The following GRIK1 variants were observed in gnomAD, a reference collection of about 807,000 sequenced individuals.
GRIK1 encodes the protein glutamate ionotropic receptor kainate type subunit 1.
GRIK1 carries 69 observed loss-of-function variants against 105.7 expected under a neutral mutation model. That is an observed-to-expected ratio of 0.65 (90% CI 0.54 to 0.80). GRIK1 has a LOEUF of 0.80. Ranked by LOEUF, GRIK1 falls within the 30% of genes least tolerant of loss-of-function variation. The pLI is 0.00. For synonymous variants in GRIK1, 438 were observed against 431.3 expected (o/e 1.02, Z -0.19); for missense variants, 1,109 against 1,167.3 (o/e 0.95, Z 0.73).
chr21:29,721,568 G>C (rs2064323164), intron 1 of GRIK1, among the ~76,000 whole-genome samples: 1 of 148,360 alleles, frequency 6.7e-6, no homozygotes, highest in Non-Finnish European at 1.5e-5. Flanking sequence ...ACAATAGAAA[G>C]AGAATGAATG....
intron 1 of GRIK1, among the ~76,000 whole-genome samples, chr21:29,854,642 G>T (rs917387092): frequency 6.6e-6 from 1 of 152,106 alleles, no homozygotes; most frequent in African/African-American, 2.4e-5. Flanking sequence ...GTGAATAAAT[G>T]ACTGTCAGGA....
rs535452296 is a variant in GRIK1, at chr21:29,822,006, CTTGTG to C, written c.118+117372_118+117376del. Among the ~76,000 whole-genome samples, 525 of 152,118 alleles carry C rather than the reference CTTGTG, an allele frequency of 3.5e-3. 1 individual carries two copies. The highest frequency in any genetic ancestry group is 4.5e-3 in the Non-Finnish European group (306 of 67,956). The stretch of plus-strand genomic sequence containing the variant: ...TATAAGTGGACCAACCTAGTTCAAA[CTTGTG>C]TTGTTCAAAGGTCAACTGTACATGT... On this transcript the variant is annotated intron_variant, in intron 1 of 17. Transcript: ENST00000327783.
chr21:29,921,989 C>G (rs1218283505), intron 1 of GRIK1, among the ~76,000 whole-genome samples: 1 of 152,056 alleles, frequency 6.6e-6, no homozygotes, highest in African/African-American at 2.4e-5. Flanking sequence ...CTGGGTGATA[C>G]TATTGTTTTG....
At chr21:29,679,644 T>C (rs2063335045) in intron 3 of GRIK1, among the ~76,000 whole-genome samples, 1 of 152,196 alleles carries the variant, frequency 6.6e-6, no homozygotes, top group African/African-American at 2.4e-5. Flanking sequence ...CTATAACCTG[T>C]TTCAGGTAAT....
chr21:29,660,111 A>T (rs2062934260), intron 4 of GRIK1, among the ~76,000 whole-genome samples: 1 of 152,200 alleles, frequency 6.6e-6, no homozygotes, highest in African/African-American at 2.4e-5. Flanking sequence ...GACAGCAGTG[A>T]TCCCACATTG....
intron 1 of GRIK1, among the ~76,000 whole-genome samples, chr21:29,754,663 TG>T (rs2065289522): frequency 6.6e-6 from 1 of 152,226 alleles, no homozygotes; most frequent in Admixed American, 6.5e-5. Flanking sequence ...CTAACCTGGG[TG>T]TTGCTGGCAA....
chr21:29,687,813 A>T (rs1196139449), intron 3 of GRIK1, among the ~76,000 whole-genome samples: 2 of 152,228 alleles, frequency 1.3e-5, no homozygotes, highest in Non-Finnish European at 2.9e-5. Context: ...TGAAATCTAC[A>T]ATGCCTACGT....
intron 1 of GRIK1, among the ~76,000 whole-genome samples, chr21:29,825,606 C>T (rs1053706240): frequency 1.3e-5 from 2 of 151,860 alleles, no homozygotes; most frequent in South Asian, 4.1e-4. Flanking sequence ...TCATGATGGG[C>T]TATTTTGCTA....
intron 1 of GRIK1, among the ~76,000 whole-genome samples, chr21:29,885,214 ATATG>A (rs2069566467): frequency 6.6e-6 from 1 of 152,022 alleles, no homozygotes; most frequent in African/African-American, 2.4e-5. Context: ...ATGAATGTTC[ATATG>A]TATGTCAGAG....
At chr21:29,568,732 A>G (rs1335800853) in intron 14 of GRIK1, among the ~76,000 whole-genome samples, 1 of 152,212 alleles carries the variant, frequency 6.6e-6, no homozygotes, top group Admixed American at 6.5e-5. Context: ...TCCTGTCTGC[A>G]CAATGCAACC....
At chr21:29,910,279 A>G (rs955935705) in intron 1 of GRIK1, among the ~76,000 whole-genome samples, 4 of 152,208 alleles carry the variant, frequency 2.6e-5, no homozygotes, top group African/African-American at 9.6e-5. Context: ...TTAAACTTCC[A>G]TGACATGTAA....
intron 6 of GRIK1, among the ~76,000 whole-genome samples, chr21:29,649,902 C>T (rs363584): frequency 0.036 from 5,425 of 152,270 alleles, 331 homozygotes; most frequent in African/African-American, 0.12. Flanking sequence ...TATTTGAACT[C>T]ATTGAAATTA....
intron 1 of GRIK1, among the ~76,000 whole-genome samples, chr21:29,695,398 C>T (rs1360656749): frequency 1.3e-5 from 2 of 152,076 alleles, no homozygotes; most frequent in African/African-American, 4.8e-5. Context: ...ATGCTAAACA[C>T]TTGTAACTTG....
chr21:29,852,600 G>T (rs1253910232), intron 1 of GRIK1, among the ~76,000 whole-genome samples: 1 of 152,108 alleles, frequency 6.6e-6, no homozygotes, highest in East Asian at 1.9e-4. Flanking sequence ...AATAAATGTG[G>T]CCTGAAAGCT....
chr21:29,547,251 G>A (rs2090064415), intron 16 of GRIK1, among the ~76,000 whole-genome samples: 1 of 152,130 alleles, frequency 6.6e-6, no homozygotes, highest in African/African-American at 2.4e-5. Flanking sequence ...ATGGCTAGTG[G>A]GGCCATTTTC....
chr21:29,650,129 C>G (rs1187884624), intron 6 of GRIK1, among the ~76,000 whole-genome samples: 11 of 152,176 alleles, frequency 7.2e-5, no homozygotes, highest in African/African-American at 2.7e-4. Flanking sequence ...AAAGTTATTT[C>G]AGGTTTGAAA....
rs755919154 is a variant in GRIK1 at position 29,651,271 on chromosome 21, C to T, written c.801G>A (p.Leu267=). 1 of 1,612,132 alleles carries T rather than the reference C, an allele frequency of 6.2e-7. No homozygotes were observed. The highest frequency in any genetic ancestry group is 8.5e-7 in the Non-Finnish European group (1 of 1,178,834). ...TTACGCCACTGTACCTATAGAGTTC[C>T]AGATCCAAAGCAAATAAGTCCTGCA... ...FTTLDLFALD[L]ELYRYSGVNM... The change falls in exon 6 of 18, where the codon CTG becomes CTA. Residue 267 remains leucine (L), a synonymous_variant. Transcript: ENST00000327783.
chr21:29,585,352 A>T (rs899465234), intron 12 of GRIK1, among the ~76,000 whole-genome samples: 3 of 152,196 alleles, frequency 2.0e-5, no homozygotes, highest in Non-Finnish European at 4.4e-5. Flanking sequence ...ACATACTCTG[A>T]TGACATACAT....
At chr21:29,833,170 C>T (rs567078700) in intron 1 of GRIK1, among the ~76,000 whole-genome samples, 1 of 152,286 alleles carries the variant, frequency 6.6e-6, no homozygotes, top group South Asian at 2.1e-4. Flanking sequence ...CCATCTAAGA[C>T]CTTTTCAGCC....
Sources: gnomAD v4.1 joint callset for allele counts (sites outside exome capture counted in the v4.1 genomes callset) on GRCh38, gnomAD v4.1.1 for gene constraint, MANE v1.5 for transcripts, NCBI Gene and HGNC (gene_info 2026-07-23, HGNC 2026-07-21) for gene names.